Variants in PTPN13 observed in about 807,000 individuals in gnomAD.
The protein encoded by PTPN13 is protein tyrosine phosphatase non-receptor type 13.
In PTPN13, 191 loss-of-function variants were observed where a neutral mutation model predicts 284.0. The observed-to-expected ratio is 0.67, with a 90% CI of 0.60 to 0.76. The LOEUF is 0.76. Among genes scored for constraint, PTPN13 ranks in the 30% least tolerant of loss-of-function variants. The probability of loss-of-function intolerance (pLI) is 0.00; values close to 1 mark genes in which losing one functional copy is unlikely to be tolerated. For synonymous variants in PTPN13, 986 were observed against 1,022.3 expected (o/e 0.96, Z 0.68); for missense variants, 2,797 against 2,939.9 (o/e 0.95, Z 1.12).
At chr4:86,797,118 G>A (rs1743431406) in intron 41 of PTPN13, among the ~76,000 whole-genome samples, 189 bp downstream of exon 41, 1 of 152,160 alleles carries the variant, frequency 6.6e-6, no homozygotes, top group South Asian at 2.1e-4. Context: ...CAGTGCTTTG[G>A]GAGGCTGGGG....
In PTPN13 at chr4:86,766,528, A is replaced by G. The variant is rs368762325; in HGVS notation, c.4329+11A>G. 6.2e-5 allele frequency: 97 copies of G among 1,572,600 alleles called. No individual in the cohort carries two copies. Among genetic ancestry groups the G allele is most frequent in the Non-Finnish European group, 7.6e-5 (88 of 1,156,384 alleles). On this transcript the variant is annotated intron_variant, in intron 27 of 47. Transcript: ENST00000411767. ...AGAAATACAGGACAGGTAACAGATC[A>G]TTATACCAACCTTTTACAGTACCTT...
chr4:86,642,442 TC>T (rs1399388492), intron 2 of PTPN13, among the ~76,000 whole-genome samples: 1 of 93,834 alleles, frequency 1.1e-5, no homozygotes, highest in African/African-American at 4.0e-5. Context: ...TTCTTCTTCT[TC>T]TTCTTCTTTT....
chr4:86,622,778 G>A (rs895848185), intron 1 of PTPN13, among the ~76,000 whole-genome samples: 2 of 151,976 alleles, frequency 1.3e-5, no homozygotes, highest in African/African-American at 4.8e-5. Context: ...GAAATTTCAG[G>A]GCTTTAAAAT....
intron 20 of PTPN13, among the ~76,000 whole-genome samples, chr4:86,755,846 A>G (rs1422990737): frequency 2.0e-5 from 3 of 151,932 alleles, no homozygotes; most frequent in Non-Finnish European, 4.4e-5. Flanking sequence ...GGTATTTTCA[A>G]CTTTTGATGG....
rs571382816 is a variant in PTPN13, at chr4:86,610,887, G to T, written c.-6+16098G>T. 2.0e-5 allele frequency among the ~76,000 whole-genome samples: 3 copies of T among 152,208 alleles called. No homozygotes were observed. In the East Asian group the frequency reaches 5.8e-4, roughly 29 times the overall value. Reference sequence around the variant, plus strand: ...GATAATGGTATTAATAATGATTCCAGCTGTCTGTTTTGATTAATATTTTAC... The same window carrying T: ...GATAATGGTATTAATAATGATTCCATCTGTCTGTTTTGATTAATATTTTAC... On this transcript the variant is annotated intron_variant, in intron 1 of 47. Transcript: ENST00000411767.
chr4:86,756,222 C>T (rs1358149977), intron 20 of PTPN13, among the ~76,000 whole-genome samples: 1 of 151,970 alleles, frequency 6.6e-6, no homozygotes, highest in Non-Finnish European at 1.5e-5. Flanking sequence ...AATGTGGTCT[C>T]TTAAAGGCTA....
At chr4:86,711,006 C>A (rs1317763165) in intron 7 of PTPN13, among the ~76,000 whole-genome samples, 1 of 151,636 alleles carries the variant, frequency 6.6e-6, no homozygotes, top group Admixed American at 6.6e-5. Context: ...TTACTGCAAC[C>A]TCTGCCTCCT....
chr4:86,668,014 A>G (rs1485305816), intron 2 of PTPN13, among the ~76,000 whole-genome samples: 2 of 152,230 alleles, frequency 1.3e-5, no homozygotes, highest in South Asian at 4.1e-4. Flanking sequence ...TTAAAAGAAC[A>G]TTGGAAAGAA....
Position 86,735,590 on chromosome 4 carries a change from C to T in PTPN13, c.2152-4C>T, listed in dbSNP as rs1735401707. 5 of 1,605,174 alleles carry T rather than the reference C, an allele frequency of 3.1e-6. No individual in the cohort carries two copies. Among genetic ancestry groups the T allele is most frequent in the Non-Finnish European group, 4.2e-6 (5 of 1,177,840 alleles). On this transcript the variant is annotated splice_polypyrimidine_tract_variant and splice_region_variant and intron_variant, in intron 14 of 47. Transcript: ENST00000411767. ...ATTGCTTATGAAAACATTCTTTTAT[C>T]TAGGTTCATGGTGTGTCTTACTTTA...
At chr4:86,612,652 G>A (rs755337893) in intron 1 of PTPN13, among the ~76,000 whole-genome samples, 6 of 151,912 alleles carry the variant, frequency 3.9e-5, no homozygotes, top group Non-Finnish European at 5.9e-5. Context: ...CAACACCTCT[G>A]ATAAAGAGAA....
chr4:86,716,933 A>G, intron 8 of PTPN13, 91 bp from the exon 9 acceptor site: 1 of 855,226 alleles, frequency 1.2e-6, no homozygotes, highest in South Asian at 1.5e-5. Flanking sequence ...GATTTGTACA[A>G]CTCTATGTCT....
At chr4:86,608,987 G>A (rs1321880848) in intron 1 of PTPN13, among the ~76,000 whole-genome samples, 2 of 152,098 alleles carry the variant, frequency 1.3e-5, no homozygotes, top group Admixed American at 6.5e-5. Flanking sequence ...TGTATGTGGT[G>A]ATGTAAAAAG....
chr4:86,669,636 A>T (rs534308800), intron 2 of PTPN13, among the ~76,000 whole-genome samples: 3 of 152,198 alleles, frequency 2.0e-5, no homozygotes, highest in Admixed American at 6.5e-5. Context: ...GATTGGTGCT[A>T]CCATGCTGAG....
At chr4:86,625,520 C>T (rs1455499662) in intron 1 of PTPN13, among the ~76,000 whole-genome samples, 3 of 151,902 alleles carry the variant, frequency 2.0e-5, no homozygotes, top group Non-Finnish European at 2.9e-5. Context: ...ATTGATTTAT[C>T]CTCTCACCTG....
intron 15 of PTPN13, among the ~76,000 whole-genome samples, chr4:86,737,752 A>G (rs2149151728): frequency 6.6e-6 from 1 of 151,780 alleles, no homozygotes; most frequent in Admixed American, 6.6e-5. Context: ...TGTTTCTGAG[A>G]CAGAGTCTCA....
chr4:86,648,865 CCTTT>C (rs1257832236), intron 2 of PTPN13, among the ~76,000 whole-genome samples: 1 of 152,064 alleles, frequency 6.6e-6, no homozygotes, highest in African/African-American at 2.4e-5. Flanking sequence ...CAAGGGTTCC[CCTTT>C]CTTCTTATCC....
Position 86,744,911 on chromosome 4 carries a change from T to G in PTPN13, c.2488-55T>G. On this transcript the variant is annotated intron_variant, in intron 16 of 47. Transcript: ENST00000411767. The stretch of plus-strand genomic sequence containing the variant: ...TCAATATCCAGTGCCTAACAAGAAA[T>G]ATAAATAATATCTCTACTTACTATA... 6.0e-6 allele frequency: 8 copies of G among 1,332,970 alleles called. No individual in the cohort carries two copies. The South Asian group carries it at 8.4e-5, about 14-fold the overall frequency. The allele number at this position is 1,332,970 out of a possible 1,614,324, so 82.6% of individuals were successfully genotyped here. A position where few individuals can be genotyped will look rare whatever the true frequency, so the allele number is the denominator to read the frequency against.
chr4:86,675,060 G>A (rs1728126800), intron 3 of PTPN13, among the ~76,000 whole-genome samples: 1 of 152,090 alleles, frequency 6.6e-6, no homozygotes, highest in African/African-American at 2.4e-5. Flanking sequence ...TTTCTGAGAG[G>A]TTTCCCAATT....
In PTPN13 at chr4:86,763,025, A is replaced by G; in HGVS notation, c.3852A>G (p.Pro1284=). 2.5e-6 allele frequency: 4 copies of G among 1,611,672 alleles called. No individual in the cohort carries two copies. The highest frequency in any genetic ancestry group is 3.4e-6 in the Non-Finnish European group (4 of 1,179,030). Residue 1284 remains proline (P), a synonymous_variant, in exon 24 of 48, where the codon CCA becomes CCG. Transcript: ENST00000411767. ...WQESQHGSPS[P]SVISKATEKE... ...AATCACAGCATGGCAGCCCTTCCCC[A>G]TCTGTAATATCCAAAGCCACCGAGA...
Sources: allele counts gnomAD v4.1 joint callset (sites outside exome capture counted in the v4.1 genomes callset), GRCh38; gene constraint gnomAD v4.1.1; transcripts MANE v1.5; gene names NCBI Gene and HGNC (gene_info 2026-07-23, HGNC 2026-07-21).